Variants in FOCAD observed in about 807,000 individuals in gnomAD.
FOCAD encodes the protein KIAA1797.
A neutral mutation model predicts 225.6 loss-of-function variants in FOCAD; 198 were observed. That is an observed-to-expected ratio of 0.88 (90% CI 0.78 to 0.99). The LOEUF (loss-of-function observed/expected upper bound fraction) is 0.99. Among genes scored for constraint, FOCAD ranks in the 50% least tolerant of loss-of-function variants. The probability of loss-of-function intolerance (pLI) is 0.00; values close to 1 mark genes in which losing one functional copy is unlikely to be tolerated. For synonymous variants in FOCAD, 897 were observed against 755.0 expected, an observed-to-expected ratio of 1.19 and a Z score of -3.08; for missense variants, 2,713 against 2,123.6, an observed-to-expected ratio of 1.28 and a Z score of -5.46.
chr9:20,770,329 C>A (rs1818076758), intron 8 of FOCAD, 91 bp downstream of exon 8: 1 of 1,212,112 alleles, frequency 8.3e-7, no homozygotes, highest in Non-Finnish European at 1.2e-6. Context: ...GTTTAATTGG[C>A]TTACAGTCTG....
intron 35 of FOCAD, among the ~76,000 whole-genome samples, chr9:20,964,670 G>C (rs558549477): frequency 6.7e-4 from 102 of 152,118 alleles, no homozygotes; most frequent in African/African-American, 2.4e-3. Flanking sequence ...CAAGTAGCTG[G>C]GACAACAGGC....
chr9:20,812,404 A>G (rs1230330863), intron 11 of FOCAD, among the ~76,000 whole-genome samples: 2 of 152,070 alleles, frequency 1.3e-5, no homozygotes, highest in Admixed American at 6.6e-5. Flanking sequence ...CTCATAATTT[A>G]TAAGTAGATA....
chr9:20,883,638 T>C (rs1205123698), intron 20 of FOCAD, among the ~76,000 whole-genome samples: 1 of 152,150 alleles, frequency 6.6e-6, no homozygotes, highest in African/African-American at 2.4e-5. Flanking sequence ...AACAGTATAC[T>C]TATAAGTAAT....
At chr9:20,692,204 A>G (rs758406689) in intron 1 of FOCAD, among the ~76,000 whole-genome samples, 6 of 152,186 alleles carry the variant, frequency 3.9e-5, no homozygotes, top group Non-Finnish European at 7.4e-5. Flanking sequence ...AAACTCTGAA[A>G]TTTCCTTTTT....
intron 35 of FOCAD, among the ~76,000 whole-genome samples, chr9:20,974,263 T>C (rs1564227350): frequency 6.9e-6 from 1 of 144,344 alleles, no homozygotes; most frequent in Non-Finnish European, 1.5e-5. Context: ...GTTTTCACTT[T>C]TGCTGTCTCT....
At chr9:20,726,291 T>C (rs1226156716) in intron 4 of FOCAD, 1 of 152,198 alleles carries the variant, frequency 6.6e-6, no homozygotes, top group African/African-American at 2.4e-5. Flanking sequence ...GCAACCATTG[T>C]TACAGTTGCT....
chr9:20,768,298 T>G (rs551883207), intron 7 of FOCAD, among the ~76,000 whole-genome samples: 4 of 151,476 alleles, frequency 2.6e-5, no homozygotes. Context: ...AGGATTGACT[T>G]GGCGATGCGG....
At chr9:20,958,761 C>G (rs1278148160) in intron 35 of FOCAD, among the ~76,000 whole-genome samples, 1 of 152,056 alleles carries the variant, frequency 6.6e-6, no homozygotes, top group Non-Finnish European at 1.5e-5. Flanking sequence ...TTTCTTTTTG[C>G]TTCCACATAT....
intron 18 of FOCAD, chr9:20,874,064 A>C (rs953260491): frequency 1.6e-4 from 24 of 152,220 alleles, no homozygotes; most frequent in African/African-American, 5.5e-4. Flanking sequence ...AACTAATCAA[A>C]GAGCAGCCAC....
intron 35 of FOCAD, 129 bp from the exon 36 acceptor site, chr9:20,976,291 G>A (rs757485286): frequency 6.3e-5 from 50 of 799,884 alleles, no homozygotes; most frequent in Non-Finnish European, 8.8e-5. Flanking sequence ...CAGAATTGAA[G>A]CGTTGATCGC....
At chr9:20,766,629 C>T (rs564332759) in intron 7 of FOCAD, among the ~76,000 whole-genome samples, 4 of 151,840 alleles carry the variant, frequency 2.6e-5, no homozygotes, top group East Asian at 3.9e-4. Flanking sequence ...CTTTCCTTCC[C>T]GTTTTTCCTT....
chr9:20,965,043 G>A (rs1839137949), intron 35 of FOCAD, among the ~76,000 whole-genome samples: 1 of 152,164 alleles, frequency 6.6e-6, no homozygotes, highest in Non-Finnish European at 1.5e-5. Context: ...CAACATATAA[G>A]TAATATTTGA....
At chr9:20,855,451 T>TAAAATTA (rs1828078066) in intron 15 of FOCAD, among the ~76,000 whole-genome samples, 1 of 151,584 alleles carries the variant, frequency 6.6e-6, no homozygotes, top group South Asian at 2.1e-4. Flanking sequence ...TTTCAATATT[T>TAAAATTA]AAAATTAAAA....
intron 21 of FOCAD, among the ~76,000 whole-genome samples, chr9:20,893,355 G>T (rs1036627799): frequency 2.0e-5 from 3 of 151,826 alleles, no homozygotes; most frequent in Non-Finnish European, 4.4e-5. Context: ...TAATGCATTT[G>T]TCTGGGACCA....
At chr9:20,660,884 GAGAA>G (rs1175205798) in intron 2 of FOCAD, among the ~76,000 whole-genome samples, 4 of 152,090 alleles carry the variant, frequency 2.6e-5, no homozygotes, top group Non-Finnish European at 4.4e-5. Flanking sequence ...GACAGTCAAA[GAGAA>G]AGAGAGAGAG....
intron 35 of FOCAD, among the ~76,000 whole-genome samples, chr9:20,960,147 G>A (rs980295693): frequency 1.3e-5 from 2 of 152,128 alleles, no homozygotes; most frequent in African/African-American, 2.4e-5. Context: ...CACTTTTTCA[G>A]TTTTTTCTGT....
Position 20,981,628 on chromosome 9 carries a change from G to T in FOCAD, c.4580G>T (p.Trp1527Leu). The T allele has an allele frequency of 6.2e-7, 1 of 1,613,918 alleles. No homozygotes were observed. Among genetic ancestry groups the T allele is most frequent in the East Asian group, 2.2e-5 (1 of 44,792 alleles). ...CTGCCCAGCCCTGCCCACCACCTCTGGAGTCTGCTCTCTGAAGCTACTGGG... is the reference window on the plus strand; with the variant it reads ...CTGCCCAGCCCTGCCCACCACCTCTTGAGTCTGCTCTCTGAAGCTACTGGG... ...MKLPSPAHHL[W>L]SLLSEATGKI... Residue 1527 changes from tryptophan to leucine, a missense_variant, in exon 38 of 44, where the codon TGG (tryptophan) becomes TTG (leucine). Physicochemically the swap from Trp to Leu is moderately conservative, Grantham distance 61 (BLOSUM62 -2). Coordinates refer to ENST00000338382, the MANE Select transcript of FOCAD (RefSeq NM_001375567.1).
At chr9:20,919,874 G>A (rs1385213555) in intron 24 of FOCAD, among the ~76,000 whole-genome samples, 2 of 151,758 alleles carry the variant, frequency 1.3e-5, no homozygotes, top group African/African-American at 4.8e-5. Flanking sequence ...AGAAAACCTA[G>A]GCAATACCAT....
At chr9:20,933,353 C>A (rs1019487847) in intron 28 of FOCAD, among the ~76,000 whole-genome samples, 1 of 152,178 alleles carries the variant, frequency 6.6e-6, no homozygotes, top group Non-Finnish European at 1.5e-5. Context: ...CCTCTTCCCA[C>A]GCTTTCTCCC....
Sources: gnomAD v4.1 joint callset for allele counts (sites outside exome capture counted in the v4.1 genomes callset) on GRCh38, gnomAD v4.1.1 for gene constraint, MANE v1.5 for transcripts, NCBI Gene and HGNC (gene_info 2026-07-23, HGNC 2026-07-21) for gene names.